HMCN1: variants seen among roughly 807,000 people sequenced by gnomAD.
HMCN1 encodes hemicentin 1, also known as hemicentin-1.
A neutral mutation model predicts 625.9 loss-of-function variants in HMCN1; 321 were observed. The observed-to-expected ratio is 0.51, with a 90% CI of 0.47 to 0.56. The LOEUF is 0.56. Ranked by LOEUF, HMCN1 falls within the 20% of genes least tolerant of loss-of-function variation. The pLI is 0.00. For missense variants in HMCN1, 6,588 were observed against 6,887.3 expected (o/e 0.96, Z 1.54); for synonymous variants, 2,425 against 2,417.6 (o/e 1.00, Z -0.09).
At chr1:186,036,707 CACCCTCCCAAG>C (rs1655850977) in intron 36 of HMCN1, among the ~76,000 whole-genome samples, 1 of 151,962 alleles carries the variant, frequency 6.6e-6, no homozygotes, top group Non-Finnish European at 1.5e-5. Flanking sequence ...TCTCCTGTCT[CACCCTCCCAAG>C]TAGCTGGGAT....
chr1:185,852,393 C>T (rs558335473), intron 2 of HMCN1, among the ~76,000 whole-genome samples: 2 of 151,358 alleles, frequency 1.3e-5, no homozygotes, highest in South Asian at 4.2e-4. Context: ...AAAGCAAATA[C>T]ATTTTAAAAA....
At chr1:185,973,335 T>G (rs1441557887) in intron 15 of HMCN1, among the ~76,000 whole-genome samples, 5 of 152,136 alleles carry the variant, frequency 3.3e-5, no homozygotes, top group Non-Finnish European at 5.9e-5. Context: ...AGCAGCTTAG[T>G]ATTTAAGATT....
At chr1:185,819,016 A>G (rs1571398623) in intron 1 of HMCN1, among the ~76,000 whole-genome samples, 1 of 151,562 alleles carries the variant, frequency 6.6e-6, no homozygotes, top group African/African-American at 2.4e-5. Context: ...AGGCGGGCGG[A>G]TCACAAGGTC....
intron 97 of HMCN1, among the ~76,000 whole-genome samples, chr1:186,160,701 G>T (rs1443471319): frequency 6.6e-6 from 1 of 152,174 alleles, no homozygotes; most frequent in Non-Finnish European, 1.5e-5. Context: ...TCAGGAGCAG[G>T]TTGTTCAGTT....
At chr1:185,897,280 C>G (rs1326535456) in intron 4 of HMCN1, among the ~76,000 whole-genome samples, 1 of 152,156 alleles carries the variant, frequency 6.6e-6, no homozygotes, top group Admixed American at 6.6e-5. Context: ...TGCCACATTA[C>G]TGATCATTCT....
intron 2 of HMCN1, among the ~76,000 whole-genome samples, chr1:185,849,662 G>A (rs1662045851): frequency 6.6e-6 from 1 of 152,096 alleles, no homozygotes; most frequent in Non-Finnish European, 1.5e-5. Flanking sequence ...GTATGAAACT[G>A]GAAGTTTGGC....
chr1:185,775,209 A>G (rs1656512020), intron 1 of HMCN1, among the ~76,000 whole-genome samples: 1 of 152,190 alleles, frequency 6.6e-6, no homozygotes. Context: ...TGTGAAAGAC[A>G]GAGACTTCAT....
chr1:185,837,215 ATGT>A (rs1661224007), intron 1 of HMCN1, among the ~76,000 whole-genome samples: 1 of 152,002 alleles, frequency 6.6e-6, no homozygotes, highest in Non-Finnish European at 1.5e-5. Flanking sequence ...AATTTCACAG[ATGT>A]TGTAACCATT....
At chr1:185,853,745 A>G (rs1571449636) in intron 2 of HMCN1, among the ~76,000 whole-genome samples, 1 of 152,334 alleles carries the variant, frequency 6.6e-6, no homozygotes, top group East Asian at 1.9e-4. Flanking sequence ...AAGGACAAAG[A>G]ATATTGAAGG....
intron 11 of HMCN1, among the ~76,000 whole-genome samples, chr1:185,955,357 C>T (rs1258295904): frequency 6.6e-6 from 1 of 152,098 alleles, no homozygotes; most frequent in Non-Finnish European, 1.5e-5. Context: ...TGAATTGTAT[C>T]CTCATAAAGC....
At chr1:186,130,791 C>A in intron 85 of HMCN1, 94 bp downstream of exon 85, 2 of 1,065,518 alleles carry the variant, frequency 1.9e-6, no homozygotes, top group Non-Finnish European at 2.9e-6. Context: ...CTCTTACATT[C>A]CTATTTAAAT....
intron 1 of HMCN1, among the ~76,000 whole-genome samples, chr1:185,825,559 G>GAATTTGT (rs1215907789): frequency 6.6e-6 from 1 of 152,080 alleles, no homozygotes; most frequent in Non-Finnish European, 1.5e-5. Flanking sequence ...CCAAAACAAA[G>GAATTTGT]AATTTGTAAT....
chr1:186,063,324 G>A (rs1354216128), intron 48 of HMCN1, among the ~76,000 whole-genome samples: 1 of 150,692 alleles, frequency 6.6e-6, no homozygotes, highest in Non-Finnish European at 1.5e-5. Context: ...CAGTATAGCT[G>A]GTAGAAATGT....
In HMCN1 at chr1:186,018,215, G is replaced by A. The variant is rs1654488162; in HGVS notation, c.5333G>A (p.Arg1778Lys). The stretch of plus-strand genomic sequence containing the variant: ...AAGGATGGCCAGTTAATTGATGAAA[G>A]GGATGGATTCAAGATTTTATTAAAT... ...WLKDGQLIDERDGFKILLNGR... is the reference protein window; with the variant it reads ...WLKDGQLIDEKDGFKILLNGR... The change falls in exon 34 of 107, where the codon AGG (arginine) becomes AAG (lysine). Residue 1778 changes from arginine (R) to lysine (K), a missense_variant. Physicochemically the swap from Arg to Lys is conservative, Grantham distance 26. This residue lies in a region of HMCN1 where 4,628 missense variants were observed against 4,853.1 expected (regional missense o/e 0.95). Coordinates refer to ENST00000271588, the MANE Select transcript of HMCN1 (RefSeq NM_031935.3). The A allele has an allele frequency of 1.9e-6, 3 of 1,612,780 alleles. No individual in the cohort carries two copies. Among genetic ancestry groups the A allele is most frequent in the Non-Finnish European group, 2.5e-6 (3 of 1,179,072 alleles).
At chr1:185,805,687 G>A (rs750624665) in intron 1 of HMCN1, among the ~76,000 whole-genome samples, 1 of 152,106 alleles carries the variant, frequency 6.6e-6, no homozygotes, top group Non-Finnish European at 1.5e-5. Context: ...TAGTGTATGT[G>A]CTATTTCTCT....
At chr1:186,136,219 C>T (rs1571402495) in intron 86 of HMCN1, among the ~76,000 whole-genome samples, 1 of 151,964 alleles carries the variant, frequency 6.6e-6, no homozygotes, top group Middle Eastern at 3.4e-3. Context: ...CAAAAATGAT[C>T]AAAAGAAAAA....
At position 185,735,033 on chromosome 1, in the gene HMCN1, C is replaced by A; in HGVS notation, c.254C>A (p.Pro85His). 1 of 1,614,098 alleles carries A rather than the reference C, an allele frequency of 6.2e-7. No homozygotes were observed. The highest frequency in any genetic ancestry group is 8.5e-7 in the Non-Finnish European group (1 of 1,180,000). Residue 85 changes from proline to histidine, a missense_variant, in exon 1 of 107, where the codon CCT (proline) becomes CAT (histidine). Pro to His is a moderately conservative substitution (Grantham distance 77). Coordinates refer to ENST00000271588, the MANE Select transcript of HMCN1 (RefSeq NM_031935.3). Reference sequence around the variant, plus strand: ...CCTCTTTTCAACTTTGCGTTGGTGCCTTTCCATGATCCAGGTAAGGGAAAT... The same window carrying A: ...CCTCTTTTCAACTTTGCGTTGGTGCATTTCCATGATCCAGGTAAGGGAAAT... ...KRPLFNFALV[P>H]FHDPEIGPVT...
chr1:186,070,820 G>T (rs1202839507), intron 52 of HMCN1, 63 bp downstream of exon 52: 3 of 1,496,478 alleles, frequency 2.0e-6, no homozygotes, highest in Non-Finnish European at 2.8e-6. Flanking sequence ...CAATTGAAAA[G>T]AAATAATAAA....
chr1:186,030,177 T>A (rs769751272), intron 36 of HMCN1, among the ~76,000 whole-genome samples: 1 of 152,120 alleles, frequency 6.6e-6, no homozygotes, highest in Non-Finnish European at 1.5e-5. Context: ...GAAGAATGTG[T>A]TTTCTGGTGG....
Sources: allele counts gnomAD v4.1 joint callset (sites outside exome capture counted in the v4.1 genomes callset), GRCh38; gene constraint gnomAD v4.1.1; regional missense constraint gnomAD v4.1.1; transcripts MANE v1.5; gene names NCBI Gene and HGNC (gene_info 2026-07-23, HGNC 2026-07-21).